The following NSD1 variants were observed in gnomAD, a reference collection of about 807,000 sequenced individuals.
NSD1 encodes nuclear receptor binding SET domain protein 1.
A neutral mutation model predicts 242.7 loss-of-function variants in NSD1; 26 were observed. The ratio of observed to expected loss-of-function variants is 0.11; its 90% CI spans 0.08 to 0.15. The LOEUF is 0.15. Ranked by LOEUF, NSD1 falls within the 10% of genes least tolerant of loss-of-function variation. The probability of loss-of-function intolerance (pLI) is 1.00; values close to 1 mark genes in which losing one functional copy is unlikely to be tolerated. For synonymous variants in NSD1, 1,106 were observed against 1,178.1 expected (o/e 0.94, Z 1.25); for missense variants, 2,495 against 3,272.8 (o/e 0.76, Z 5.80).
rs758553569 is a variant in NSD1, at chr5:177,211,415, C to G, written c.3016C>G (p.Pro1006Ala). 6.2e-7 allele frequency: 1 copy of G among 1,614,164 alleles called. No individual in the cohort carries two copies. The highest frequency in any genetic ancestry group is 8.5e-7 in the Non-Finnish European group (1 of 1,180,048). ...PGLLSDKRDL[P>A]ASGKSRSDCV... is the part of the protein sequence containing the mutation. Reference sequence around the variant, plus strand: ...CTTACTGTCCGACAAGAGAGACCTCCCTGCTTCTGGTAAAAGTCGTTCAGA... The same window carrying G: ...CTTACTGTCCGACAAGAGAGACCTCGCTGCTTCTGGTAAAAGTCGTTCAGA... Residue 1006 changes from proline (P) to alanine (A), a missense_variant, in exon 5 of 23, where the codon CCT (proline) becomes GCT (alanine). Around this residue, in one of 19 missense-constraint regions of NSD1, gnomAD observed 426 missense variants for 411.4 expected, o/e 1.04. Coordinates refer to ENST00000439151, the MANE Select transcript of NSD1 (RefSeq NM_022455.5).
At chr5:177,150,144 A>T (rs943639157) in intron 2 of NSD1, among the ~76,000 whole-genome samples, 1 of 148,944 alleles carries the variant, frequency 6.7e-6, no homozygotes, top group African/African-American at 2.5e-5. Context: ...TTATTTATTT[A>T]TTTTTTTGAG....
At chr5:177,152,323 A>G (rs10078554) in intron 2 of NSD1, among the ~76,000 whole-genome samples, 216 of 83,286 alleles carry the variant, frequency 2.6e-3, no homozygotes, top group South Asian at 6.4e-3. Context: ...GTGTGTGTGT[A>G]TGTATGTATG....
chr5:177,281,920 A>G (rs1239885232), intron 18 of NSD1, among the ~76,000 whole-genome samples: 1 of 152,200 alleles, frequency 6.6e-6, no homozygotes, highest in Non-Finnish European at 1.5e-5. Context: ...GTTTACAGGC[A>G]TGAGCCATCA....
At chr5:177,270,706 G>A (rs1036199367) in intron 16 of NSD1, among the ~76,000 whole-genome samples, 1 of 152,206 alleles carries the variant, frequency 6.6e-6, no homozygotes, top group African/African-American at 2.4e-5. Context: ...GATGAAAAGG[G>A]ATTCTAAGCA....
At chr5:177,131,885 C>T (rs1477216416), upstream of NSD1, among the ~76,000 whole-genome samples, 6 of 152,218 alleles carry the variant, frequency 3.9e-5, no homozygotes, top group Non-Finnish European at 7.3e-5. Context: ...CCGGCTTTCT[C>T]TGAACAGCGA....
rs139742499 is a variant in NSD1 at position 177,278,632 on chromosome 5, A to G, written c.5623-1933A>G. 2.0e-5 allele frequency among the ~76,000 whole-genome samples: 3 copies of G among 152,372 alleles called. No homozygotes were observed. In the East Asian group the frequency reaches 5.8e-4, roughly 29 times the overall value. On this transcript the variant is annotated intron_variant, in intron 17 of 22. Transcript: ENST00000439151. ...AGAGAAACAATCATAAGGGCATTAT[A>G]TAAGAAAGGAAGAAAGAATTTAATA...
At chr5:177,264,654 G>A in intron 14 of NSD1, 1 of 455,246 alleles carries the variant, frequency 2.2e-6, no homozygotes, top group South Asian at 2.1e-5. Flanking sequence ...CACACCCCTG[G>A]CCCCAACAAA....
chr5:177,178,938 G>A (rs1760433658), intron 2 of NSD1, among the ~76,000 whole-genome samples: 1 of 152,168 alleles, frequency 6.6e-6, no homozygotes, highest in African/African-American at 2.4e-5. Context: ...TGCACAAGGG[G>A]ATCCAGAGCC....
intron 3 of NSD1, among the ~76,000 whole-genome samples, chr5:177,194,227 T>C (rs1279610512): frequency 6.6e-6 from 1 of 152,104 alleles, no homozygotes; most frequent in Admixed American, 6.6e-5. Flanking sequence ...TTTTCCACTT[T>C]GTGGAGATTT....
Position 177,135,419 on chromosome 5 carries a change from A to G in NSD1, c.316A>G (p.Arg106Gly), listed in dbSNP as rs1756230425. 1 of 1,613,848 alleles carries G rather than the reference A, an allele frequency of 6.2e-7. No individual in the cohort carries two copies. Among genetic ancestry groups the G allele is most frequent in the Non-Finnish European group, 8.5e-7 (1 of 1,179,880 alleles). The stretch of plus-strand genomic sequence containing the variant: ...TCAAGACCCTGAAAAAAGTGATTCA[A>G]GAGCTCAGACGCCAATTGTTTGCAC... ...SFQDPEKSDS[R>G]AQTPIVCTSL... Residue 106 changes from arginine (R) to glycine (G), a missense_variant, in exon 2 of 23, where the codon AGA (arginine) becomes GGA (glycine). Transcript: ENST00000439151.
At position 177,135,857 on chromosome 5, in the gene NSD1, GCC is replaced by G. The variant is rs1756278405; in HGVS notation, c.756_757del (p.Leu253SerfsTer28). The G allele has an allele frequency of 3.1e-6, 5 of 1,605,820 alleles. No homozygotes were observed. The highest frequency in any genetic ancestry group is 4.3e-6 in the Non-Finnish European group (5 of 1,174,028). ...NEVDGSNEKA[A>X]LLPAPFSLGD... Reference sequence around the variant, plus strand: ...AGTGGACGGCAGCAATGAAAAAGCAGCCCTTCTCCCAGCCCCCTTTTCACTAG... The same window carrying G: ...AGTGGACGGCAGCAATGAAAAAGCAGCTTCTCCCAGCCCCCTTTTCACTAG... On this transcript the variant is annotated frameshift_variant, in exon 2 of 23. Coordinates refer to ENST00000439151, the MANE Select transcript of NSD1 (RefSeq NM_022455.5). LOFTEE classifies it high-confidence loss of function.
Position 177,210,162 on chromosome 5 carries a change from A to G in NSD1, c.1763A>G (p.Asp588Gly), listed in dbSNP as rs1046371505. 12 of 1,610,936 alleles carry G rather than the reference A, an allele frequency of 7.4e-6. No individual in the cohort carries two copies. Among genetic ancestry groups the G allele is most frequent in the Non-Finnish European group, 1.0e-5 (12 of 1,178,986 alleles). The stretch of plus-strand genomic sequence containing the variant: ...AAAGAATTTGAGACTTCAAATGGTG[A>G]CTCTTTATTGGGCTTGCCTGAGGGT... ...AKKEFETSNG[D>G]SLLGLPEGAL... Residue 588 changes from aspartate (D) to glycine (G), a missense_variant, in exon 5 of 23, where the codon GAC (aspartate) becomes GGC (glycine). Transcript: ENST00000439151.
At chr5:177,262,714 GC>G (rs1451451258) in intron 14 of NSD1, among the ~76,000 whole-genome samples, 4 of 152,164 alleles carry the variant, frequency 2.6e-5, no homozygotes, top group African/African-American at 9.7e-5. Context: ...CCCCATCTCT[GC>G]TAAAAATACA....
chr5:177,136,510 T>C (rs1331910651), intron 2 of NSD1, among the ~76,000 whole-genome samples: 3 of 152,174 alleles, frequency 2.0e-5, no homozygotes, highest in Non-Finnish European at 4.4e-5. Flanking sequence ...TGAAGTTTTC[T>C]TGGACATTGT....
intron 21 of NSD1, 55 bp downstream of exon 21, chr5:177,288,980 A>G: frequency 8.2e-7 from 1 of 1,223,854 alleles, no homozygotes; most frequent in Non-Finnish European, 1.2e-6. Flanking sequence ...CTCCCTCCCT[A>G]ACAGTGTTAG....
intron 2 of NSD1, among the ~76,000 whole-genome samples, chr5:177,186,290 C>T (rs1761227854): frequency 6.7e-6 from 1 of 149,758 alleles, no homozygotes; most frequent in Non-Finnish European, 1.5e-5. Context: ...GACCCTGTCT[C>T]AGAAACGAAA....
chr5:177,261,699 G>A (rs1757012566), intron 14 of NSD1, among the ~76,000 whole-genome samples: 1 of 151,988 alleles, frequency 6.6e-6, no homozygotes, highest in South Asian at 2.1e-4. Flanking sequence ...TAATGGTATT[G>A]GTATTTTGTA....
At position 177,300,055 on chromosome 5, in the gene NSD1, GCGC is replaced by G. The variant is rs1760509427; in HGVS notation, c.*4598_*4600del. On this transcript the variant is annotated 3_prime_UTR_variant, in exon 23 of 23. Transcript: ENST00000439151. ...CAAGGTCCATCATTGCTTTTTTGCC[GCGC>G]CCCCCCCCCCCCGCCCCCATAGATT... The G allele has an allele frequency of 7.4e-6, 1 of 135,762 alleles. No individual in the cohort carries two copies. Among genetic ancestry groups the G allele is most frequent in the African/African-American group, 7.0e-5 (1 of 14,288 alleles). The allele number at this position is 135,762 out of a possible 1,614,324, so 8.4% of individuals were successfully genotyped here. A position where few individuals can be genotyped will look rare whatever the true frequency, so the allele number is the denominator to read the frequency against.
intron 3 of NSD1, among the ~76,000 whole-genome samples, chr5:177,199,350 T>TGGAA (rs919709742): frequency 1.3e-5 from 2 of 151,868 alleles, no homozygotes; most frequent in Admixed American, 6.6e-5. Context: ...CTCTGCCTCT[T>TGGAA]GGACTCATGT....
Sources: allele counts gnomAD v4.1 joint callset (sites outside exome capture counted in the v4.1 genomes callset), GRCh38; gene constraint gnomAD v4.1.1; regional missense constraint gnomAD v4.1.1; transcripts MANE v1.5; gene names NCBI Gene and HGNC (gene_info 2026-07-23, HGNC 2026-07-21).